ATP10A: variants seen among roughly 807,000 people sequenced by gnomAD.
The protein encoded by ATP10A is ATPase phospholipid transporting 10A (putative), also known as phospholipid-transporting ATPase VA.
Under a neutral mutation model 147.8 loss-of-function variants are expected in ATP10A, and 111 were observed. That is an observed-to-expected ratio of 0.75 (90% CI 0.64 to 0.88). The LOEUF (loss-of-function observed/expected upper bound fraction) is 0.88, where lower values mean the gene tolerates loss of function less well. Ranked by LOEUF, ATP10A falls within the 40% of genes least tolerant of loss-of-function variation. The pLI is 0.00. For missense variants in ATP10A, 1,927 were observed against 1,959.0 expected, an observed-to-expected ratio of 0.98 and a Z score of 0.31; for synonymous variants, 875 against 841.6, an observed-to-expected ratio of 1.04 and a Z score of -0.69.
chr15:25,759,968 A>ATTTTTT (rs11343295), intron 2 of ATP10A, among the ~76,000 whole-genome samples: 1 of 147,082 alleles, frequency 6.8e-6, no homozygotes, highest in African/African-American at 2.5e-5. Context: ...TGATCATGTA[A>ATTTTTT]TTTTTTTTTT....
chr15:25,737,611 G>A (rs1887358252), intron 2 of ATP10A, among the ~76,000 whole-genome samples: 1 of 152,114 alleles, frequency 6.6e-6, no homozygotes, highest in African/African-American at 2.4e-5. Flanking sequence ...GAACTGGGGA[G>A]GATTTGGAGG....
At position 25,680,159 on chromosome 15, in the gene ATP10A, C is replaced by G. The variant is rs528577942; in HGVS notation, c.3828G>C (p.Leu1276Phe). The G allele has an allele frequency of 6.2e-7, 1 of 1,614,066 alleles. No individual in the cohort carries two copies. Among genetic ancestry groups the G allele is most frequent in the South Asian group, 1.1e-5 (1 of 91,062 alleles). The change falls in exon 20 of 21, where the codon TTG becomes TTC. Residue 1276 changes from leucine (L) to phenylalanine (F), a missense_variant. By Grantham distance (22) the Leu-to-Phe change is conservative. Coordinates refer to ENST00000555815, the MANE Select transcript of ATP10A (RefSeq NM_024490.4). The stretch of plus-strand genomic sequence containing the variant: ...CAGCGACAGGCGTCATCAGGCAAGT[C>G]AAGTAAAACACTGGGTCACCCAGTA... The part of the protein sequence containing the change: ...QALLGDPVFY[L>F]TCLMTPVAAL...
intron 7 of ATP10A, 110 bp from the exon 8 acceptor site, chr15:25,718,509 A>C: frequency 9.0e-7 from 1 of 1,105,654 alleles, no homozygotes; most frequent in South Asian, 1.5e-5. Flanking sequence ...GGGCAGCCCC[A>C]CAGGATTCAC....
intron 2 of ATP10A, among the ~76,000 whole-genome samples, chr15:25,737,209 C>T (rs934990173): frequency 6.6e-6 from 1 of 152,180 alleles, no homozygotes. Flanking sequence ...CTGAAATGGC[C>T]TCTCGCTCTA....
intron 2 of ATP10A, among the ~76,000 whole-genome samples, chr15:25,761,846 C>T (rs1439719163): frequency 6.6e-6 from 1 of 152,134 alleles, no homozygotes; most frequent in African/African-American, 2.4e-5. Context: ...AGACTTCGGA[C>T]TTGGACTTTT....
downstream of ATP10A, among the ~76,000 whole-genome samples, chr15:25,676,116 T>C (rs990073934): frequency 1.3e-5 from 2 of 152,194 alleles, no homozygotes; most frequent in African/African-American, 4.8e-5. Context: ...GGTGAACACT[T>C]ATGAAAGTCT....
At chr15:25,712,937 C>T (rs933740828) in intron 10 of ATP10A, among the ~76,000 whole-genome samples, 1 of 152,196 alleles carries the variant, frequency 6.6e-6, no homozygotes, top group African/African-American at 2.4e-5. Context: ...GCAAGAAAGG[C>T]CAGTGGGAGG....
chr15:25,703,718 A>G (rs1900805173), intron 12 of ATP10A, among the ~76,000 whole-genome samples: 1 of 152,210 alleles, frequency 6.6e-6, no homozygotes, highest in Admixed American at 6.5e-5. Flanking sequence ...CAAGTCACAT[A>G]CCAGTGTCAC....
At chr15:25,837,306 T>G (rs1892637343) in intron 1 of ATP10A, among the ~76,000 whole-genome samples, 1 of 152,110 alleles carries the variant, frequency 6.6e-6, no homozygotes, top group African/African-American at 2.4e-5. Flanking sequence ...ATAAAGAAAA[T>G]TGTATATACA....
intron 14 of ATP10A, among the ~76,000 whole-genome samples, chr15:25,692,708 A>G (rs1448194925): frequency 6.6e-6 from 1 of 152,250 alleles, no homozygotes; most frequent in African/African-American, 2.4e-5. Flanking sequence ...ACGGTAAAAC[A>G]TGAGATATGG....
intron 6 of ATP10A, among the ~76,000 whole-genome samples, chr15:25,722,550 G>A (rs7166626): frequency 0.89 from 134,718 of 152,222 alleles, 60,412 homozygotes; most frequent in East Asian, 0.99. Flanking sequence ...AACAGTATTG[G>A]ACTAATGTTT....
At chr15:25,842,971 A>G (rs1209560929) in intron 1 of ATP10A, among the ~76,000 whole-genome samples, 2 of 152,164 alleles carry the variant, frequency 1.3e-5, no homozygotes, top group Admixed American at 6.5e-5. Context: ...CTCCTATCTC[A>G]GCCTCCCAAA....
Position 25,781,360 on chromosome 15 carries a change from T to G in ATP10A, c.450-137A>C, listed in dbSNP as rs904932075. 7.9e-6 allele frequency: 6 copies of G among 764,070 alleles called. No individual in the cohort carries two copies. In the East Asian group the frequency reaches 1.6e-4, roughly 21 times the overall value. The allele number at this position is 764,070 out of a possible 1,614,324, so 47.3% of individuals were successfully genotyped here. On this transcript the variant is annotated intron_variant, in intron 1 of 20. Transcript: ENST00000555815. ...AAAATTTTGATAATAAACAGGTGTT[T>G]TAAAAAGAATATTTGGCCGGGTGTG...
chr15:25,719,562 C>G (rs1189788573), intron 7 of ATP10A, among the ~76,000 whole-genome samples: 1 of 151,714 alleles, frequency 6.6e-6, no homozygotes, highest in Non-Finnish European at 1.5e-5. Flanking sequence ...CTGGCCCATC[C>G]CACCCTCCCC....
At chr15:25,721,998 CA>C in intron 6 of ATP10A, 89 bp from the exon 7 acceptor site, 1 of 1,404,958 alleles carries the variant, frequency 7.1e-7, no homozygotes, top group Non-Finnish European at 9.8e-7. Context: ...CAAATGACTA[CA>C]ACCGCAAGAA....
chr15:25,757,659 AAG>A (rs1190142054), intron 2 of ATP10A, among the ~76,000 whole-genome samples: 6 of 152,208 alleles, frequency 3.9e-5, no homozygotes, highest in Non-Finnish European at 5.9e-5. Context: ...AAAGTTGAAA[AAG>A]AGTAATTTCT....
rs577922220 is a variant in ATP10A, at chr15:25,862,479, G to A, written c.449+169C>T. On this transcript the variant is annotated intron_variant, in intron 1 of 20. Transcript: ENST00000555815. ...GGCGGAGGCACAGAGAGGCCTTGGCGGCGCTGTGGCTTCGGTCGGCACCGG... is the reference window on the plus strand; with the variant it reads ...GGCGGAGGCACAGAGAGGCCTTGGCAGCGCTGTGGCTTCGGTCGGCACCGG... The A allele has an allele frequency of 5.5e-5, 46 of 832,636 alleles. No individual in the cohort carries two copies. The South Asian group carries it at 7.8e-4, about 14-fold the overall frequency. 51.6% of individuals were successfully genotyped at this position (832,636 alleles called of 1,614,324 possible).
rs1435652009 is a variant in ATP10A, at chr15:25,680,204, A to G, written c.3783T>C (p.Pro1261=). The G allele has an allele frequency of 1.9e-6, 3 of 1,614,134 alleles. No individual in the cohort carries two copies. The highest frequency in any genetic ancestry group is 2.5e-6 in the Non-Finnish European group (3 of 1,179,986). Residue 1261 remains proline, a synonymous_variant, in exon 20 of 21, where the codon CCT becomes CCC. Coordinates refer to ENST00000555815, the MANE Select transcript of ATP10A (RefSeq NM_024490.4). ...SCATCYPPSN[P]YWTMQALLGD... ...CCAGTAAGGCTTGCATAGTCCAGTAAGGGTTGGACGGAGGATAGCACGTGG... is the reference window on the plus strand; with the variant it reads ...CCAGTAAGGCTTGCATAGTCCAGTAGGGGTTGGACGGAGGATAGCACGTGG...
At chr15:25,703,724 G>A (rs1306514570) in intron 12 of ATP10A, among the ~76,000 whole-genome samples, 3 of 152,192 alleles carry the variant, frequency 2.0e-5, no homozygotes, top group African/African-American at 7.2e-5. Flanking sequence ...ACATACCAGT[G>A]TCACCAGCCC....
Sources: allele counts gnomAD v4.1 joint callset (sites outside exome capture counted in the v4.1 genomes callset), GRCh38; gene constraint gnomAD v4.1.1; transcripts MANE v1.5; gene names NCBI Gene and HGNC (gene_info 2026-07-23, HGNC 2026-07-21).